MSL2: variants seen among roughly 807,000 people sequenced by gnomAD.
The protein encoded by MSL2 is MSL complex subunit 2, also known as E3 ubiquitin-protein ligase MSL2.
Under a neutral mutation model 35.8 loss-of-function variants are expected in MSL2, and 2 were observed. The observed-to-expected ratio is 0.06, with a 90% CI of 0.02 to 0.18. MSL2 has a LOEUF of 0.18. Ranked by LOEUF, MSL2 falls within the 10% of genes least tolerant of loss-of-function variation. The pLI, the probability that MSL2 is intolerant of heterozygous loss-of-function variation, is 1.00. For missense variants in MSL2, 523 were observed against 706.7 expected (o/e 0.74, Z 2.95); for synonymous variants, 296 against 255.7 (o/e 1.16, Z -1.50).
At chr3:136,175,878 A>ACACTGTGCTAAGCCTGC (rs142387669) in intron 1 of MSL2, among the ~76,000 whole-genome samples, 1 of 152,034 alleles carries the variant, frequency 6.6e-6, no homozygotes, top group Non-Finnish European at 1.5e-5. Context: ...TATATGCCAA[A>ACACTGTGCTAAGCCTGC]CACTGTGCTA....
intron 1 of MSL2, among the ~76,000 whole-genome samples, chr3:136,169,253 T>TGGG (rs1939947812): frequency 6.6e-5 from 1 of 15,146 alleles, no homozygotes; most frequent in Non-Finnish European, 1.3e-4. Flanking sequence ...GGGGGGGGGG[T>TGGG]GCTTATTTTT....
chr3:136,181,990 A>AT (rs1044970501), intron 1 of MSL2, among the ~76,000 whole-genome samples: 1 of 152,034 alleles, frequency 6.6e-6, no homozygotes, highest in South Asian at 2.1e-4. Flanking sequence ...AGAAAAAAAA[A>AT]TTTTTTAATT....
chr3:136,171,583 T>C (rs563149266), intron 1 of MSL2, among the ~76,000 whole-genome samples: 2 of 152,328 alleles, frequency 1.3e-5, no homozygotes, highest in Admixed American at 1.3e-4. Flanking sequence ...GATTTGGGTA[T>C]TACATCATGG....
chr3:136,152,925 T>C, intron 1 of MSL2, 187 bp from the exon 2 acceptor site: 1 of 985,442 alleles, frequency 1.0e-6, no homozygotes, highest in Non-Finnish European at 1.2e-6. Context: ...TTTCATGCCA[T>C]ATTCCCCATT....
chr3:136,172,352 A>C (rs1469324123), intron 1 of MSL2, among the ~76,000 whole-genome samples: 2 of 151,788 alleles, frequency 1.3e-5, no homozygotes, highest in Non-Finnish European at 2.9e-5. Context: ...GCTTTGGCTC[A>C]CATACCTCCC....
chr3:136,193,478 C>G (rs1222779737), intron 1 of MSL2, among the ~76,000 whole-genome samples: 1 of 151,750 alleles, frequency 6.6e-6, no homozygotes, highest in Admixed American at 6.6e-5. Flanking sequence ...ATAGTAGCAC[C>G]CTACGGCCGG....
At chr3:136,186,198 A>G (rs554384529) in intron 1 of MSL2, among the ~76,000 whole-genome samples, 27 of 152,212 alleles carry the variant, frequency 1.8e-4, no homozygotes, top group Non-Finnish European at 3.1e-4. Flanking sequence ...AATTTTTCCC[A>G]TATGTCTGTG....
intron 1 of MSL2, among the ~76,000 whole-genome samples, chr3:136,180,598 G>T (rs929057938): frequency 2.0e-5 from 3 of 151,552 alleles, no homozygotes; most frequent in Non-Finnish European, 4.4e-5. Context: ...TACTCGGGAG[G>T]CTGAGGCAGG....
intron 1 of MSL2, chr3:136,194,305 T>C (rs1940772329): frequency 6.6e-6 from 4 of 604,566 alleles, no homozygotes; most frequent in South Asian, 7.3e-5. Flanking sequence ...CACGAGTTAA[T>C]TTTTTTTAAC....
At chr3:136,177,187 T>G (rs1259148073) in intron 1 of MSL2, among the ~76,000 whole-genome samples, 3 of 152,068 alleles carry the variant, frequency 2.0e-5, no homozygotes, top group Non-Finnish European at 4.4e-5. Context: ...AAATTAGCAG[T>G]TCTCTAATAT....
At chr3:136,161,271 C>T (rs143248349) in intron 1 of MSL2, among the ~76,000 whole-genome samples, 85 of 152,270 alleles carry the variant, frequency 5.6e-4, no homozygotes, top group African/African-American at 2.0e-3. Context: ...AAATGTAAAA[C>T]AGGTACAACA....
chr3:136,179,231 G>A (rs1179513784), intron 1 of MSL2, among the ~76,000 whole-genome samples: 6 of 152,020 alleles, frequency 3.9e-5, no homozygotes, highest in African/African-American at 1.4e-4. Flanking sequence ...CTATCGCCCA[G>A]GCTGGAGTGC....
rs1940844353 is a variant in MSL2, at chr3:136,196,260, T to C, written c.-1147A>G. The C allele has an allele frequency of 6.6e-6, 1 of 152,370 alleles. No individual in the cohort carries two copies. Among genetic ancestry groups the C allele is most frequent in the South Asian group, 2.1e-4 (1 of 4,812 alleles). 9.4% of individuals were successfully genotyped at this position (152,370 alleles called of 1,614,324 possible). On this transcript the variant is annotated 5_prime_UTR_variant, in exon 1 of 2. Transcript: ENST00000309993. ...CTCTGCTGGCGGCGACGACGACCGT[T>C]ACCCCAACGGGCAAAGCCACTGTCA...
In MSL2 at chr3:136,179,300, C is replaced by T. The variant is rs185752850; in HGVS notation, c.142+15672G>A. On this transcript the variant is annotated intron_variant, in intron 1 of 1. Coordinates refer to ENST00000309993, the MANE Select transcript of MSL2 (RefSeq NM_018133.4). Reference sequence around the variant, plus strand: ...CTCCTGGGTTCAAGCAATCCCTGCACCTCAAGCTCCCGAGTAGCTGGGATT... The same window carrying T: ...CTCCTGGGTTCAAGCAATCCCTGCATCTCAAGCTCCCGAGTAGCTGGGATT... 2.7e-3 allele frequency among the ~76,000 whole-genome samples: 415 copies of T among 152,220 alleles called. 3 individuals carry two copies. Among genetic ancestry groups the T allele is most frequent in the African/African-American group, 7.1e-3 (293 of 41,528 alleles).
chr3:136,171,760 CA>C (rs1485157502), intron 1 of MSL2, among the ~76,000 whole-genome samples: 2 of 152,060 alleles, frequency 1.3e-5, no homozygotes, highest in Non-Finnish European at 2.9e-5. Flanking sequence ...TTGATGATTC[CA>C]AGACGTATGG....
At chr3:136,175,312 C>A (rs1191032486) in intron 1 of MSL2, among the ~76,000 whole-genome samples, 2 of 151,140 alleles carry the variant, frequency 1.3e-5, no homozygotes, top group South Asian at 2.1e-4. Context: ...CCACTGCACT[C>A]CAGCCTGGGC....
chr3:136,167,341 GAA>G (rs571131020), intron 1 of MSL2, among the ~76,000 whole-genome samples: 12 of 145,324 alleles, frequency 8.3e-5, no homozygotes, highest in African/African-American at 2.2e-4. Context: ...TTGTTCTATA[GAA>G]AAAAAAAAAT....
In MSL2 at chr3:136,162,902, A is replaced by T. The variant is rs547279751; in HGVS notation, c.143-10164T>A. ...CCACACTGTTGGCGGCAGTGTTGAT[A>T]ATAATTACAAAAGTGTTAGTGCATA... On this transcript the variant is annotated intron_variant, in intron 1 of 1. Transcript: ENST00000309993. Among the ~76,000 whole-genome samples the T allele has an allele frequency of 1.1e-4, 17 of 151,998 alleles. No homozygotes were observed. The East Asian group carries it at 3.1e-3, about 28-fold the overall frequency.
At chr3:136,155,583 A>C in intron 1 of MSL2, 1 of 311,752 alleles carries the variant, frequency 3.2e-6, no homozygotes, top group East Asian at 7.4e-5. Flanking sequence ...CAGAGATGAC[A>C]GCATTCAACC....
Sources: allele counts gnomAD v4.1 joint callset (sites outside exome capture counted in the v4.1 genomes callset), GRCh38; gene constraint gnomAD v4.1.1; transcripts MANE v1.5; gene names NCBI Gene and HGNC (gene_info 2026-07-23, HGNC 2026-07-21).